The following CPLX4 variants were observed in gnomAD, a reference collection of about 807,000 sequenced individuals.
CPLX4 encodes the protein complexin 4, also known as complexin-4.
CPLX4 carries 17 observed loss-of-function variants against 16.1 expected under a neutral mutation model. The ratio of observed to expected loss-of-function variants is 1.06; its 90% CI spans 0.72 to 1.59. CPLX4 has a LOEUF of 1.59. Ranked by LOEUF, CPLX4 falls within the 40% of genes most tolerant of loss-of-function variation. The pLI is 0.00. For synonymous variants in CPLX4, 55 were observed against 57.8 expected (o/e 0.95, Z 0.22); for missense variants, 193 against 192.9 (o/e 1.00, Z 0.00).
chr18:59,309,643 G>T (rs549431981), intron 2 of CPLX4, among the ~76,000 whole-genome samples: 10 of 152,046 alleles, frequency 6.6e-5, no homozygotes, highest in African/African-American at 2.2e-4. Context: ...TTAACACGGT[G>T]AAACCCCGTG....
chr18:59,300,469 G>T (rs537048), intron 2 of CPLX4, among the ~76,000 whole-genome samples: 4 of 152,004 alleles, frequency 2.6e-5, no homozygotes, highest in Non-Finnish European at 5.9e-5. Flanking sequence ...CTCTGTTTTC[G>T]TAGCTATCGG....
intron 1 of CPLX4, among the ~76,000 whole-genome samples, chr18:59,314,230 G>A (rs926767399): frequency 6.6e-6 from 1 of 152,104 alleles, no homozygotes; most frequent in Non-Finnish European, 1.5e-5. Flanking sequence ...CCTGCGGCAT[G>A]GACAAGCAGC....
At chr18:59,310,178 G>A (rs2070607214) in intron 2 of CPLX4, among the ~76,000 whole-genome samples, 1 of 152,166 alleles carries the variant, frequency 6.6e-6, no homozygotes, top group Non-Finnish European at 1.5e-5. Context: ...TGCAATGAAA[G>A]ACACTGGTGG....
At chr18:59,309,606 A>G (rs1454982644) in intron 2 of CPLX4, among the ~76,000 whole-genome samples, 1 of 152,054 alleles carries the variant, frequency 6.6e-6, no homozygotes, top group Non-Finnish European at 1.5e-5. Context: ...GGCGGATCAC[A>G]AGGTCAGGAG....
At chr18:59,297,159 T>A (rs1314917282) in intron 2 of CPLX4, among the ~76,000 whole-genome samples, 5 of 152,014 alleles carry the variant, frequency 3.3e-5, no homozygotes, top group Non-Finnish European at 7.4e-5. Context: ...GTTCTCCAAG[T>A]GTGGTCTCTG....
At chr18:59,298,093 ATT>A (rs200060703) in intron 2 of CPLX4, among the ~76,000 whole-genome samples, 39 of 141,466 alleles carry the variant, frequency 2.8e-4, no homozygotes, top group African/African-American at 8.6e-4. Context: ...AGATTCCTTT[ATT>A]TTTTTTTTTT....
intron 1 of CPLX4, 94 bp from the exon 2 acceptor site, chr18:59,312,866 T>G: frequency 1.6e-6 from 1 of 638,458 alleles, no homozygotes; most frequent in South Asian, 2.2e-5. Flanking sequence ...TTACACCTTC[T>G]GAGATGCCAC....
chr18:59,303,762 C>G (rs188596569), intron 2 of CPLX4, among the ~76,000 whole-genome samples: 1 of 152,298 alleles, frequency 6.6e-6, no homozygotes, highest in African/African-American at 2.4e-5. Flanking sequence ...TCACTAGTGT[C>G]CAGTGACTGC....
intron 1 of CPLX4, 73 bp downstream of exon 1, chr18:59,318,223 G>A: frequency 2.0e-6 from 3 of 1,477,542 alleles, no homozygotes; most frequent in South Asian, 1.6e-5. Context: ...GAAATAAACT[G>A]GAGAACTGAA....
At chr18:59,311,391 C>G (rs188563004) in intron 2 of CPLX4, among the ~76,000 whole-genome samples, 156 of 152,324 alleles carry the variant, frequency 1.0e-3, no homozygotes, top group African/African-American at 3.6e-3. Flanking sequence ...GGATCAACCT[C>G]TACCATGTTT....
At chr18:59,307,424 T>G (rs1345131971) in intron 2 of CPLX4, among the ~76,000 whole-genome samples, 1 of 152,202 alleles carries the variant, frequency 6.6e-6, no homozygotes, top group Non-Finnish European at 1.5e-5. Flanking sequence ...GTTGGCATGT[T>G]CCTCAGATGA....
At chr18:59,306,067 A>G (rs2144184856) in intron 2 of CPLX4, among the ~76,000 whole-genome samples, 1 of 152,350 alleles carries the variant, frequency 6.6e-6, no homozygotes, top group East Asian at 1.9e-4. Flanking sequence ...CTGGAAGAAG[A>G]AGGTTTCAGC....
chr18:59,296,789 T>C lies in CPLX4; in HGVS notation c.392A>G (p.Gln131Arg). 6.2e-7 allele frequency: 1 copy of C among 1,613,912 alleles called. No individual in the cohort carries two copies. Among genetic ancestry groups the C allele is most frequent in the Non-Finnish European group, 8.5e-7 (1 of 1,179,986 alleles). The change falls in exon 3 of 3, where the codon CAG becomes CGG. Residue 131 changes from glutamine (Q) to arginine (R), a missense_variant. By Grantham distance (43) the Gln-to-Arg change is conservative. Transcript: ENST00000299721. ...DSILGQIQNL[Q>R]NMDLDTIKEK... ...TTTTATGGTATCCAAGTCCATGTTCTGGAGATTCTGTATCTGCCCAAGAAT... is the reference window on the plus strand; with the variant it reads ...TTTTATGGTATCCAAGTCCATGTTCCGGAGATTCTGTATCTGCCCAAGAAT...
At chr18:59,299,704 G>A (rs902631701) in intron 2 of CPLX4, among the ~76,000 whole-genome samples, 6 of 152,158 alleles carry the variant, frequency 3.9e-5, no homozygotes, top group East Asian at 1.9e-4. Flanking sequence ...GCAATTCTAC[G>A]TTGCCTTATG....
chr18:59,307,679 A>G (rs1163030885), intron 2 of CPLX4, among the ~76,000 whole-genome samples: 1 of 151,772 alleles, frequency 6.6e-6, no homozygotes, highest in East Asian at 1.9e-4. Flanking sequence ...CTGGCCTTCC[A>G]GGGTCTCCTT....
chr18:59,316,834 C>T (rs1366897401), intron 1 of CPLX4, among the ~76,000 whole-genome samples: 1 of 152,134 alleles, frequency 6.6e-6, no homozygotes, highest in East Asian at 1.9e-4. Flanking sequence ...TGCATGCTCA[C>T]AACTGTAGTC....
chr18:59,312,801 G>C (rs765518238), intron 1 of CPLX4, 29 bp from the exon 2 acceptor site: 2 of 969,750 alleles, frequency 2.1e-6, no homozygotes, highest in Non-Finnish European at 3.4e-6. Flanking sequence ...AGGATCAGAA[G>C]GATACAGAGA....
chr18:59,303,859 T>C (rs555219617), intron 2 of CPLX4, among the ~76,000 whole-genome samples: 1 of 152,098 alleles, frequency 6.6e-6, no homozygotes, highest in South Asian at 2.1e-4. Context: ...TGGGGCAGGG[T>C]GAGGAGGGGA....
chr18:59,299,515 C>G (rs947605860), intron 2 of CPLX4, among the ~76,000 whole-genome samples: 1 of 152,134 alleles, frequency 6.6e-6, no homozygotes, highest in African/African-American at 2.4e-5. Context: ...ACACCGAACA[C>G]ACTCATGAGG....
Sources: gnomAD v4.1 joint callset for allele counts (sites outside exome capture counted in the v4.1 genomes callset) on GRCh38, gnomAD v4.1.1 for gene constraint, MANE v1.5 for transcripts, NCBI Gene and HGNC (gene_info 2026-07-23, HGNC 2026-07-21) for gene names.